Variants in PACRG observed in about 807,000 individuals in gnomAD.
The protein encoded by PACRG is parkin coregulated gene protein.
Under a neutral mutation model 29.7 loss-of-function variants are expected in PACRG, and 29 were observed. That is an observed-to-expected ratio of 0.98 (90% CI 0.73 to 1.33). The LOEUF is 1.33. PACRG is among the 40% of genes most tolerant of loss of function. The pLI, the probability that PACRG is intolerant of heterozygous loss-of-function variation, is 0.00. For missense variants in PACRG, 279 were observed against 316.2 expected, an observed-to-expected ratio of 0.88 and a Z score of 0.89; for synonymous variants, 116 against 118.7, an observed-to-expected ratio of 0.98 and a Z score of 0.15.
intron 2 of PACRG, among the ~76,000 whole-genome samples, chr6:162,836,069 T>A (rs2128400603): frequency 6.6e-6 from 1 of 152,306 alleles, no homozygotes; most frequent in Middle Eastern, 3.4e-3. Context: ...TTCTGACATA[T>A]TTTTGCATGG....
chr6:162,826,466 C>CTTTTTTTTTTTTTTT (rs576332156), intron 2 of PACRG, among the ~76,000 whole-genome samples: 2 of 138,720 alleles, frequency 1.4e-5, no homozygotes, highest in Non-Finnish European at 3.1e-5. Flanking sequence ...TTTCTTTTTT[C>CTTTTTTTTTTTTTTT]TTTTTTTTTT....
intron 2 of PACRG, among the ~76,000 whole-genome samples, chr6:162,846,204 G>T (rs934759132): frequency 6.6e-6 from 1 of 152,136 alleles, no homozygotes; most frequent in African/African-American, 2.4e-5. Flanking sequence ...CCAGGAGGGG[G>T]CCTGCTTTCC....
At chr6:163,082,709 T>C (rs1473391415) in intron 3 of PACRG, among the ~76,000 whole-genome samples, 1 of 152,226 alleles carries the variant, frequency 6.6e-6, no homozygotes, top group Non-Finnish European at 1.5e-5. Context: ...AGTTTACTTC[T>C]TTAGTCACTT....
At chr6:162,948,578 ACAAT>A (rs1799420669) in intron 2 of PACRG, among the ~76,000 whole-genome samples, 1 of 152,192 alleles carries the variant, frequency 6.6e-6, no homozygotes, top group African/African-American at 2.4e-5. Flanking sequence ...AGCAAAGGAC[ACAAT>A]CAACAGAATG....
chr6:163,004,110 AGTC>A (rs1387309217), intron 2 of PACRG, among the ~76,000 whole-genome samples: 1 of 152,150 alleles, frequency 6.6e-6, no homozygotes, highest in African/African-American at 2.4e-5. Context: ...AACCACAGTT[AGTC>A]TTTACTTTCC....
chr6:163,023,257 CTT>C (rs1248479677), intron 2 of PACRG, among the ~76,000 whole-genome samples: 6 of 152,144 alleles, frequency 3.9e-5, no homozygotes, highest in Admixed American at 2.6e-4. Context: ...CTCAGTGTCT[CTT>C]GTTTCCTTGT....
intron 2 of PACRG, among the ~76,000 whole-genome samples, chr6:163,056,017 C>T (rs895418789): frequency 6.6e-6 from 1 of 152,200 alleles, no homozygotes; most frequent in Non-Finnish European, 1.5e-5. Context: ...TCAGATGCTC[C>T]ACATCCTACT....
intron 4 of PACRG, among the ~76,000 whole-genome samples, chr6:163,166,864 T>G (rs1266292448): frequency 6.6e-6 from 1 of 152,220 alleles, no homozygotes; most frequent in Non-Finnish European, 1.5e-5. Context: ...AAATACTTTT[T>G]ATTTGTTATT....
intron 4 of PACRG, among the ~76,000 whole-genome samples, chr6:163,262,637 TC>T (rs1330756971): frequency 6.6e-6 from 1 of 152,072 alleles, no homozygotes; most frequent in Non-Finnish European, 1.5e-5. Context: ...AATTATTCCC[TC>T]CCCTTTACTT....
intron 1 of PACRG, among the ~76,000 whole-genome samples, chr6:162,745,264 C>G (rs1780898928): frequency 6.6e-6 from 1 of 152,046 alleles, no homozygotes; most frequent in African/African-American, 2.4e-5. Flanking sequence ...AGCCATCATC[C>G]TCAGCAAACC....
chr6:162,852,042 T>C (rs976287504), intron 2 of PACRG, among the ~76,000 whole-genome samples: 3 of 110,268 alleles, frequency 2.7e-5, no homozygotes, highest in Non-Finnish European at 5.6e-5. Flanking sequence ...GAAGGAAAGA[T>C]GGAAAGCTCC....
intron 4 of PACRG, among the ~76,000 whole-genome samples, chr6:163,173,564 C>A (rs1779198404): frequency 6.6e-6 from 1 of 152,190 alleles, no homozygotes. Context: ...TTGAGCCCTG[C>A]AGTAAGGTGG....
chr6:162,877,150 G>A (rs1013731623), intron 2 of PACRG, among the ~76,000 whole-genome samples: 9 of 152,076 alleles, frequency 5.9e-5, no homozygotes, highest in Non-Finnish European at 1.2e-4. Context: ...GTTTATTGCA[G>A]CACTATTTAC....
intron 4 of PACRG, among the ~76,000 whole-genome samples, chr6:163,214,340 A>G (rs1484393219): frequency 6.6e-6 from 1 of 152,072 alleles, no homozygotes; most frequent in African/African-American, 2.4e-5. Context: ...TTCTTTCCAC[A>G]GTTTTCCAAG....
intron 2 of PACRG, among the ~76,000 whole-genome samples, chr6:162,981,082 C>T (rs187410859): frequency 1.3e-5 from 2 of 151,914 alleles, no homozygotes; most frequent in African/African-American, 4.8e-5. Context: ...ATATCATTCT[C>T]ATGCCTTTGT....
In PACRG at chr6:162,756,837, A is replaced by G. The variant is rs1781965071; in HGVS notation, c.156+28446A>G. On this transcript the variant is annotated intron_variant, in intron 1 of 4. Transcript: ENST00000366888. ...TTCTATTTGCTTCGTAGTCACCATG[A>G]GACTTACATAAATATCTTTTCCTTA... Among the ~76,000 whole-genome samples, 4 of 152,268 alleles carry G rather than the reference A, an allele frequency of 2.6e-5. No homozygotes were observed. The South Asian group carries it at 8.3e-4, about 32-fold the overall frequency.
At chr6:163,151,932 C>T (rs894424104) in intron 4 of PACRG, among the ~76,000 whole-genome samples, 1 of 152,176 alleles carries the variant, frequency 6.6e-6, no homozygotes, top group South Asian at 2.1e-4. Context: ...TTAGATTCTA[C>T]CCCAAATATG....
chr6:162,833,335 G>A (rs1024955141), intron 2 of PACRG, among the ~76,000 whole-genome samples: 1 of 152,046 alleles, frequency 6.6e-6, no homozygotes, highest in Non-Finnish European at 1.5e-5. Flanking sequence ...TAATTTGGTT[G>A]TCTTTCTTCT....
At chr6:163,141,434 T>A (rs921688145) in intron 4 of PACRG, among the ~76,000 whole-genome samples, 4 of 112,104 alleles carry the variant, frequency 3.6e-5, no homozygotes, top group African/African-American at 1.6e-4. Context: ...AGGATTTTTG[T>A]AATGTATGTG....
Sources: allele counts gnomAD v4.1 joint callset (sites outside exome capture counted in the v4.1 genomes callset), GRCh38; gene constraint gnomAD v4.1.1; transcripts MANE v1.5; gene names NCBI Gene and HGNC (gene_info 2026-07-23, HGNC 2026-07-21).